PCDH15: variants seen among roughly 807,000 people sequenced by gnomAD.
PCDH15 encodes the protein protocadherin related 15.
In PCDH15, 129 loss-of-function variants were observed where a neutral mutation model predicts 178.5. The observed-to-expected ratio is 0.72, with a 90% confidence interval of 0.63 to 0.84. PCDH15 has a LOEUF of 0.84. Among genes scored for constraint, PCDH15 ranks in the 40% least tolerant of loss-of-function variants. PCDH15 has a pLI of 0.00. For synonymous variants in PCDH15, 800 were observed against 732.0 expected (o/e 1.09, Z -1.50); for missense variants, 2,230 against 2,099.9 (o/e 1.06, Z -1.21).
At chr10:54,500,007 C>A (rs539113700) in intron 3 of PCDH15, among the ~76,000 whole-genome samples, 1 of 152,232 alleles carries the variant, frequency 6.6e-6, no homozygotes, top group South Asian at 2.1e-4. Flanking sequence ...ATGTTCATTG[C>A]AGCAGTATTC....
intron 2 of PCDH15, among the ~76,000 whole-genome samples, chr10:54,910,816 C>T (rs1046853553): frequency 6.6e-6 from 1 of 152,100 alleles, no homozygotes; most frequent in East Asian, 1.9e-4. Context: ...AAGTAACAAA[C>T]CAGTATCAGC....
intron 2 of PCDH15, among the ~76,000 whole-genome samples, chr10:55,616,787 T>C (rs1843488154): frequency 6.6e-6 from 1 of 152,108 alleles, no homozygotes. Flanking sequence ...CTGGTTGATA[T>C]TTGGTCTCTA....
intron 11 of PCDH15, among the ~76,000 whole-genome samples, chr10:54,188,832 A>G (rs2048706302): frequency 6.6e-6 from 1 of 151,978 alleles, no homozygotes; most frequent in African/African-American, 2.4e-5. Context: ...GGCACATACA[A>G]CACAGACATG....
chr10:54,552,171 C>T (rs1333866450), intron 2 of PCDH15, among the ~76,000 whole-genome samples: 1 of 152,066 alleles, frequency 6.6e-6, no homozygotes, highest in African/African-American at 2.4e-5. Context: ...TTATATTCAA[C>T]ATTACATATT....
chr10:54,930,169 G>A (rs754683033), intron 2 of PCDH15, among the ~76,000 whole-genome samples: 5 of 152,096 alleles, frequency 3.3e-5, no homozygotes, highest in African/African-American at 1.2e-4. Context: ...AGCACACAAC[G>A]TGGAGCCAAC....
chr10:54,673,428 TA>T (rs2094715328), intron 1 of PCDH15, among the ~76,000 whole-genome samples: 1 of 152,240 alleles, frequency 6.6e-6, no homozygotes, highest in East Asian at 1.9e-4. Flanking sequence ...AGGAAACATA[TA>T]ACTTTTTTTT....
At chr10:54,352,654 C>T (rs1944358768) in intron 5 of PCDH15, among the ~76,000 whole-genome samples, 1 of 152,102 alleles carries the variant, frequency 6.6e-6, no homozygotes. Context: ...GAAGCATTAC[C>T]TTTAGTGATG....
At chr10:53,985,529 G>C (rs1302452778) in intron 21 of PCDH15, among the ~76,000 whole-genome samples, 1 of 152,160 alleles carries the variant, frequency 6.6e-6, no homozygotes, top group African/African-American at 2.4e-5. Context: ...GAGTGGAACA[G>C]CCAGGTGTGA....
chr10:55,167,627 G>A (rs1301074679), intron 1 of PCDH15, among the ~76,000 whole-genome samples: 2 of 152,068 alleles, frequency 1.3e-5, no homozygotes, highest in African/African-American at 4.8e-5. Flanking sequence ...TTCAAAGTTA[G>A]AGAACATGTC....
intron 5 of PCDH15, among the ~76,000 whole-genome samples, chr10:54,348,946 T>C (rs942188644): frequency 3.9e-5 from 6 of 152,148 alleles, no homozygotes; most frequent in Non-Finnish European, 7.4e-5. Flanking sequence ...CTTGGCTTGT[T>C]TCACTTAACA....
At chr10:54,917,054 G>C (rs144048420) in intron 2 of PCDH15, among the ~76,000 whole-genome samples, 1 of 152,302 alleles carries the variant, frequency 6.6e-6, no homozygotes, top group Non-Finnish European at 1.5e-5. Context: ...ACATGCTGCA[G>C]ATGGAAGAGT....
chr10:55,164,619 G>A (rs2132116622), intron 2 of PCDH15, among the ~76,000 whole-genome samples: 1 of 152,038 alleles, frequency 6.6e-6, no homozygotes, highest in East Asian at 1.9e-4. Flanking sequence ...TGCTCTTGTT[G>A]ATTTATTACA....
At chr10:54,313,871 T>C (rs549582335) in intron 8 of PCDH15, among the ~76,000 whole-genome samples, 1 of 152,038 alleles carries the variant, frequency 6.6e-6, no homozygotes, top group African/African-American at 2.4e-5. Flanking sequence ...AGGTCAATGA[T>C]TCTTTGTAAA....
intron 25 of PCDH15, among the ~76,000 whole-genome samples, chr10:53,921,752 A>G (rs1330779096): frequency 6.6e-6 from 1 of 152,168 alleles, no homozygotes; most frequent in Non-Finnish European, 1.5e-5. Context: ...TTGCTGTACA[A>G]GCCACCAAGT....
intron 13 of PCDH15, among the ~76,000 whole-genome samples, chr10:54,178,947 G>A (rs1246904320): frequency 1.3e-5 from 2 of 151,992 alleles, no homozygotes; most frequent in African/African-American, 2.4e-5. Flanking sequence ...TGGAGAAATA[G>A]GAACACTTTT....
chr10:54,650,020 C>T (rs912929928), intron 2 of PCDH15, among the ~76,000 whole-genome samples: 1 of 152,108 alleles, frequency 6.6e-6, no homozygotes, highest in African/African-American at 2.4e-5. Flanking sequence ...ATATAAGTAA[C>T]TGAGACTGTC....
At chr10:54,234,781 T>G (rs558827519) in intron 9 of PCDH15, among the ~76,000 whole-genome samples, 1 of 152,330 alleles carries the variant, frequency 6.6e-6, no homozygotes, top group Non-Finnish European at 1.5e-5. Context: ...AGAGTTTATA[T>G]CTATTGTTTG....
At chr10:55,298,635 G>A (rs1488997592) in intron 1 of PCDH15, among the ~76,000 whole-genome samples, 1 of 151,944 alleles carries the variant, frequency 6.6e-6, no homozygotes, top group African/African-American at 2.4e-5. Flanking sequence ...AGGCTGGAGT[G>A]TAGTGGAGTG....
At chr10:55,359,478 A>G (rs370651653) in intron 2 of PCDH15, among the ~76,000 whole-genome samples, 2 of 151,788 alleles carry the variant, frequency 1.3e-5, no homozygotes, top group Admixed American at 6.6e-5. Context: ...ATTCATGTAC[A>G]CTATTGGTGG....
Sources: allele counts gnomAD v4.1 joint callset (sites outside exome capture counted in the v4.1 genomes callset), GRCh38; gene constraint gnomAD v4.1.1; transcripts MANE v1.5; gene names NCBI Gene and HGNC (gene_info 2026-07-23, HGNC 2026-07-21).